NRG1: variants seen among roughly 807,000 people sequenced by gnomAD.
The protein encoded by NRG1 is neuregulin 1.
In NRG1, 18 loss-of-function variants were observed where a neutral mutation model predicts 63.8. The ratio of observed to expected loss-of-function variants is 0.28; its 90% CI spans 0.19 to 0.42. The LOEUF (loss-of-function observed/expected upper bound fraction) is 0.42. Among genes scored for constraint, NRG1 ranks in the 10% least tolerant of loss-of-function variants. The pLI is 1.00. For synonymous variants in NRG1, 302 were observed against 301.3 expected, an observed-to-expected ratio of 1.00 and a Z score of -0.02; for missense variants, 762 against 814.7, an observed-to-expected ratio of 0.94 and a Z score of 0.79.
chr8:32,571,153 C>A (rs1214695926), intron 1 of NRG1, among the ~76,000 whole-genome samples: 2 of 152,090 alleles, frequency 1.3e-5, no homozygotes, highest in East Asian at 3.9e-4. Context: ...TAACATAAAA[C>A]AATAAAGACA....
intron 5 of NRG1, among the ~76,000 whole-genome samples, chr8:32,643,564 G>A (rs897236832): frequency 3.3e-5 from 5 of 152,286 alleles, no homozygotes; most frequent in South Asian, 4.1e-4. Flanking sequence ...ACCAGCTGAC[G>A]TCAAATGAAG....
At chr8:32,254,995 A>C (rs1051483642) in intron 1 of NRG1, among the ~76,000 whole-genome samples, 1 of 152,280 alleles carries the variant, frequency 6.6e-6, no homozygotes, top group Middle Eastern at 3.4e-3. Context: ...AGTCTGTTTT[A>C]TCAGAGACTA....
intron 1 of NRG1, among the ~76,000 whole-genome samples, chr8:31,915,569 C>A (rs2129617868): frequency 6.6e-6 from 1 of 152,188 alleles, no homozygotes; most frequent in Admixed American, 6.6e-5. Context: ...TAGCTGTGAA[C>A]CAGTTTAGTT....
intron 1 of NRG1, among the ~76,000 whole-genome samples, chr8:31,712,970 TGTCCATCCATCCACCCATCC>T (rs1418523263): frequency 1.1e-4 from 16 of 148,028 alleles, no homozygotes; most frequent in African/African-American, 3.8e-4. Context: ...GTCATCTCTC[TGTCCATCCATCCACCCATCC>T]ATCCATCCAT....
chr8:31,782,600 G>A (rs907830860), intron 1 of NRG1, among the ~76,000 whole-genome samples: 9 of 151,984 alleles, frequency 5.9e-5, no homozygotes, highest in African/African-American at 1.9e-4. Context: ...GTATTCATTC[G>A]TACACATTAC....
chr8:32,143,146 G>A (rs1836466455), intron 1 of NRG1, among the ~76,000 whole-genome samples: 1 of 152,150 alleles, frequency 6.6e-6, no homozygotes, highest in Non-Finnish European at 1.5e-5. Context: ...CTTGGGGACA[G>A]TGGGATCCAT....
At chr8:32,117,509 C>T (rs979159992) in intron 1 of NRG1, among the ~76,000 whole-genome samples, 4 of 151,972 alleles carry the variant, frequency 2.6e-5, no homozygotes, top group Non-Finnish European at 2.9e-5. Flanking sequence ...GACTTGAACC[C>T]ACCCCACTGG....
intron 1 of NRG1, among the ~76,000 whole-genome samples, chr8:31,649,108 G>A (rs1196013694): frequency 2.6e-5 from 4 of 152,004 alleles, no homozygotes; most frequent in Non-Finnish European, 5.9e-5. Context: ...ACAGGTGCAT[G>A]CCACCATGCC....
chr8:32,495,101 C>T (rs1291882460), intron 1 of NRG1, among the ~76,000 whole-genome samples: 4 of 152,172 alleles, frequency 2.6e-5, no homozygotes, highest in Non-Finnish European at 4.4e-5. Flanking sequence ...GTGGGTAATA[C>T]TAATAATTAC....
At position 32,412,445 on chromosome 8, in the gene NRG1, T is replaced by TAC. The variant is rs1454229774; in HGVS notation, c.38-183382_38-183381insCA. Reference sequence around the variant, plus strand: ...CTACATATATATATATATATATATATATATATACATATATATATATATATA... The same window carrying TAC: ...CTACATATATATATATATATATATATACATATATACATATATATATATATATA... On this transcript the variant is annotated intron_variant, in intron 1 of 10. Coordinates refer to the NRG1 transcript ENST00000519301. Among the ~76,000 whole-genome samples, 36 of 58,956 alleles carry TAC rather than the reference T, an allele frequency of 6.1e-4. No individual in the cohort carries two copies. In the East Asian group the frequency reaches 0.011, roughly 18 times the overall value. The allele number at this position is 58,956 out of a possible 152,430, so 38.7% of individuals were successfully genotyped here. A position where few individuals can be genotyped will look rare whatever the true frequency, so the allele number is the denominator to read the frequency against.
intron 1 of NRG1, among the ~76,000 whole-genome samples, chr8:32,388,491 C>T (rs138645388): frequency 5.3e-5 from 8 of 152,250 alleles, no homozygotes; most frequent in Non-Finnish European, 1.0e-4. Context: ...TATCCACAGG[C>T]ATCTTTTAAG....
intron 1 of NRG1, among the ~76,000 whole-genome samples, chr8:31,890,584 C>T (rs537658067): frequency 5.3e-5 from 8 of 152,174 alleles, no homozygotes; most frequent in East Asian, 3.9e-4. Flanking sequence ...AAGAAAGGCA[C>T]GTCCTCAGAA....
chr8:31,989,908 T>C (rs1199599196), intron 1 of NRG1, among the ~76,000 whole-genome samples: 1 of 152,120 alleles, frequency 6.6e-6, no homozygotes, highest in Non-Finnish European at 1.5e-5. Context: ...ATTCTCCACG[T>C]CTCAAAGGCA....
At chr8:32,227,011 T>C (rs1304381635) in intron 1 of NRG1, among the ~76,000 whole-genome samples, 1 of 152,200 alleles carries the variant, frequency 6.6e-6, no homozygotes, top group Non-Finnish European at 1.5e-5. Flanking sequence ...AAGTAGTATT[T>C]TGGGTAAAAA....
At chr8:32,335,425 C>A (rs1803145734) in intron 1 of NRG1, among the ~76,000 whole-genome samples, 1 of 152,194 alleles carries the variant, frequency 6.6e-6, no homozygotes, top group Non-Finnish European at 1.5e-5. Flanking sequence ...GCTCCTCGAG[C>A]TTTGGGTGGC....
At chr8:32,180,761 A>G (rs989644615) in intron 1 of NRG1, among the ~76,000 whole-genome samples, 1 of 152,124 alleles carries the variant, frequency 6.6e-6, no homozygotes, top group Admixed American at 6.6e-5. Flanking sequence ...TTGTGGTGAG[A>G]CTGCTTAAAA....
intron 1 of NRG1, among the ~76,000 whole-genome samples, chr8:32,102,898 A>G (rs1372120155): frequency 6.6e-6 from 1 of 151,648 alleles, no homozygotes; most frequent in Non-Finnish European, 1.5e-5. Flanking sequence ...TTTAATTTTT[A>G]ATTTCTAATT....
At chr8:32,334,280 A>T (rs1023231305) in intron 1 of NRG1, among the ~76,000 whole-genome samples, 9 of 152,204 alleles carry the variant, frequency 5.9e-5, no homozygotes, top group African/African-American at 2.2e-4. Flanking sequence ...CCTGGATTGG[A>T]ATCATGAAAA....
intron 1 of NRG1, among the ~76,000 whole-genome samples, chr8:32,454,931 G>A (rs527425015): frequency 1.3e-5 from 2 of 152,188 alleles, no homozygotes; most frequent in East Asian, 3.9e-4. Context: ...TCTATGTTTA[G>A]ATAAGTTTAG....
Sources: allele counts gnomAD v4.1 joint callset (sites outside exome capture counted in the v4.1 genomes callset), GRCh38; gene constraint gnomAD v4.1.1; transcripts MANE v1.5; gene names NCBI Gene and HGNC (gene_info 2026-07-23, HGNC 2026-07-21).